XYLT1: variants seen among roughly 807,000 people sequenced by gnomAD.
XYLT1 encodes the protein xylosyltransferase 1, also known as beta-D-xylosyltransferase 1.
Under a neutral mutation model 91.3 loss-of-function variants are expected in XYLT1, and 36 were observed. That is an observed-to-expected ratio of 0.39 (90% CI 0.30 to 0.52). The LOEUF is 0.52. Ranked by LOEUF, XYLT1 falls within the 20% of genes least tolerant of loss-of-function variation. The pLI is 0.68. For missense variants in XYLT1, 1,242 were observed against 1,284.5 expected (o/e 0.97, Z 0.51); for synonymous variants, 588 against 532.0 (o/e 1.11, Z -1.45).
At chr16:17,453,874 A>T (rs773940575) in intron 1 of XYLT1, among the ~76,000 whole-genome samples, 1 of 152,236 alleles carries the variant, frequency 6.6e-6, no homozygotes, top group Non-Finnish European at 1.5e-5. Context: ...TGGTATAAGA[A>T]ATTAAATGAT....
chr16:17,265,855 T>G (rs1457126494), intron 2 of XYLT1, among the ~76,000 whole-genome samples: 1 of 152,110 alleles, frequency 6.6e-6, no homozygotes, highest in African/African-American at 2.4e-5. Flanking sequence ...TGCCGTGATT[T>G]TTAAACTATC....
intron 5 of XYLT1, among the ~76,000 whole-genome samples, chr16:17,180,031 T>G (rs970129060): frequency 6.6e-6 from 1 of 152,220 alleles, no homozygotes; most frequent in Non-Finnish European, 1.5e-5. Context: ...TCCCTTCTCT[T>G]GCAAATGGGG....
intron 3 of XYLT1, among the ~76,000 whole-genome samples, chr16:17,222,208 A>G (rs1335953492): frequency 6.6e-6 from 1 of 152,212 alleles, no homozygotes; most frequent in African/African-American, 2.4e-5. Flanking sequence ...ATTTTATGTC[A>G]CAGAAACATA....
At chr16:17,319,040 C>T (rs1485572945) in intron 2 of XYLT1, among the ~76,000 whole-genome samples, 1 of 152,020 alleles carries the variant, frequency 6.6e-6, no homozygotes, top group African/African-American at 2.4e-5. Context: ...TGCCCGCCTA[C>T]GCCTTCCAAA....
intron 2 of XYLT1, among the ~76,000 whole-genome samples, chr16:17,264,475 G>A (rs1381981908): frequency 6.6e-6 from 1 of 152,188 alleles, no homozygotes; most frequent in East Asian, 1.9e-4. Flanking sequence ...GCCATCCAAG[G>A]ATGGACATGA....
intron 3 of XYLT1, among the ~76,000 whole-genome samples, chr16:17,226,659 GGTA>G (rs2033071643): frequency 6.6e-6 from 1 of 152,084 alleles, no homozygotes; most frequent in South Asian, 2.1e-4. Flanking sequence ...TGGTGGTGGT[GGTA>G]GTGCCAGCTA....
At chr16:17,416,541 A>G (rs1286237269) in intron 1 of XYLT1, among the ~76,000 whole-genome samples, 2 of 152,214 alleles carry the variant, frequency 1.3e-5, no homozygotes, top group East Asian at 1.9e-4. Flanking sequence ...GCACATCCCT[A>G]TCACAATCAG....
At chr16:17,424,028 G>T (rs190323281) in intron 1 of XYLT1, among the ~76,000 whole-genome samples, 2 of 152,274 alleles carry the variant, frequency 1.3e-5, no homozygotes, top group East Asian at 3.9e-4. Context: ...TCCCAAGAAG[G>T]GGCAGGAAGT....
chr16:17,176,022 T>C (rs2141562388), intron 5 of XYLT1, among the ~76,000 whole-genome samples: 1 of 149,924 alleles, frequency 6.7e-6, no homozygotes, highest in Admixed American at 6.7e-5. Context: ...CAGAGATGTT[T>C]TTAATAAATG....
In XYLT1 at chr16:17,470,541, C is replaced by T. The variant is rs2036973869; in HGVS notation, c.256G>A (p.Gly86Arg). 6 of 1,223,742 alleles carry T rather than the reference C, an allele frequency of 4.9e-6. No individual in the cohort carries two copies. The highest frequency in any genetic ancestry group is 6.1e-6 in the Non-Finnish European group (6 of 983,358). 75.8% of individuals were successfully genotyped at this position (1,223,742 alleles called of 1,614,324 possible). A position where few individuals can be genotyped will look rare whatever the true frequency, so the allele number is the denominator to read the frequency against. ...AARGGGGGGG[G>R]GGGGRGPQAR... ...TGGGGCCCCCGTCCTCCTCCTCCTC[C>T]GCCGCCGCCTCCTCCTCCTCCTCGG... Residue 86 changes from glycine to arginine, a missense_variant, in exon 1 of 12, where the codon GGA (glycine) becomes AGA (arginine). Gly to Arg is a moderately radical substitution (Grantham distance 125). Transcript: ENST00000261381.
intron 6 of XYLT1, among the ~76,000 whole-genome samples, chr16:17,155,396 G>C (rs1432646194): frequency 2.6e-5 from 4 of 152,210 alleles, no homozygotes; most frequent in African/African-American, 9.7e-5. Context: ...AGCCATACCT[G>C]AAGTCAGCCC....
intron 3 of XYLT1, among the ~76,000 whole-genome samples, chr16:17,208,779 C>A (rs1374768446): frequency 1.3e-5 from 2 of 152,158 alleles, no homozygotes; most frequent in Non-Finnish European, 2.9e-5. Context: ...GGCTGGAGTG[C>A]TGTGGCACAA....
At chr16:17,113,307 A>G (rs1421742904) in intron 11 of XYLT1, among the ~76,000 whole-genome samples, 1 of 150,030 alleles carries the variant, frequency 6.7e-6, no homozygotes, top group Non-Finnish European at 1.5e-5. Flanking sequence ...ATGCCTGGCT[A>G]ATTTTTTGTA....
chr16:17,298,201 C>T (rs781713315), intron 2 of XYLT1, among the ~76,000 whole-genome samples: 4 of 152,016 alleles, frequency 2.6e-5, no homozygotes, highest in Non-Finnish European at 5.9e-5. Context: ...AAATCGGTTC[C>T]GTCAGGTGAC....
At chr16:17,435,450 C>CT (rs1226451226) in intron 1 of XYLT1, among the ~76,000 whole-genome samples, 2 of 152,250 alleles carry the variant, frequency 1.3e-5, no homozygotes, top group Non-Finnish European at 1.5e-5. Flanking sequence ...ACGACACAAG[C>CT]AAGTTTTTAA....
At position 17,137,307 on chromosome 16, in the gene XYLT1, C is replaced by T. The variant is rs111932559; in HGVS notation, c.1764+1048G>A. Among the ~76,000 whole-genome samples, 1,475 of 152,202 alleles carry T rather than the reference C, an allele frequency of 9.7e-3. 25 individuals are homozygous for T. The highest frequency in any genetic ancestry group is 0.033 in the African/African-American group (1,366 of 41,534). ...CAGTAAAGCCAATGCCCACACAGCC[C>T]GGCACAGAGGAGATCAAACACAAAC... On this transcript the variant is annotated intron_variant, in intron 8 of 11. Transcript: ENST00000261381.
intron 2 of XYLT1, among the ~76,000 whole-genome samples, chr16:17,336,734 A>C (rs2141843149): frequency 6.6e-6 from 1 of 152,346 alleles, no homozygotes; most frequent in East Asian, 1.9e-4. Context: ...CTTCTACCCC[A>C]GCCGAGCTGA....
At chr16:17,378,560 G>C (rs1274617380) in intron 1 of XYLT1, among the ~76,000 whole-genome samples, 2 of 152,152 alleles carry the variant, frequency 1.3e-5, no homozygotes, top group Admixed American at 6.5e-5. Flanking sequence ...GTAATTTCTA[G>C]GAATATGTTG....
chr16:17,468,666 A>G (rs960594922), intron 1 of XYLT1, among the ~76,000 whole-genome samples: 2 of 152,130 alleles, frequency 1.3e-5, no homozygotes, highest in Admixed American at 1.3e-4. Flanking sequence ...GGACCTATGA[A>G]GAAATCAGCT....
Sources: allele counts gnomAD v4.1 joint callset (sites outside exome capture counted in the v4.1 genomes callset), GRCh38; gene constraint gnomAD v4.1.1; transcripts MANE v1.5; gene names NCBI Gene and HGNC (gene_info 2026-07-23, HGNC 2026-07-21).